The following AMPH variants were observed in gnomAD, a reference collection of about 807,000 sequenced individuals.
AMPH encodes amphiphysin (Stiff-Mann syndrome with breast cancer 128kD autoantigen).
Under a neutral mutation model 99.1 loss-of-function variants are expected in AMPH, and 49 were observed. That is an observed-to-expected ratio of 0.49 (90% CI 0.39 to 0.63). The LOEUF (loss-of-function observed/expected upper bound fraction) is 0.63, where lower values mean the gene tolerates loss of function less well. Ranked by LOEUF, AMPH falls within the 20% of genes least tolerant of loss-of-function variation. The probability of loss-of-function intolerance (pLI) is 0.00; values close to 1 mark genes in which losing one functional copy is unlikely to be tolerated. For synonymous variants in AMPH, 314 were observed against 317.3 expected (o/e 0.99, Z 0.11); for missense variants, 759 against 863.4 (o/e 0.88, Z 1.52).
intron 7 of AMPH, among the ~76,000 whole-genome samples, chr7:38,466,757 T>C (rs1787672667): frequency 2.0e-5 from 3 of 152,192 alleles, no homozygotes. Flanking sequence ...GTGTTTGGAC[T>C]CTGAAATTTG....
chr7:38,405,046 G>A (rs1304531215), intron 17 of AMPH, among the ~76,000 whole-genome samples: 1 of 151,924 alleles, frequency 6.6e-6, no homozygotes, highest in African/African-American at 2.4e-5. Flanking sequence ...AAAGATTCGG[G>A]GCCTATTTTT....
At chr7:38,496,177 A>G (rs1166341146) in intron 3 of AMPH, among the ~76,000 whole-genome samples, 2 of 152,218 alleles carry the variant, frequency 1.3e-5, no homozygotes, top group Non-Finnish European at 2.9e-5. Flanking sequence ...GATAAAAATC[A>G]TTTGTTAAAC....
intron 4 of AMPH, among the ~76,000 whole-genome samples, chr7:38,491,724 TTTG>T (rs1360261493): frequency 6.6e-6 from 1 of 152,240 alleles, no homozygotes; most frequent in Non-Finnish European, 1.5e-5. Context: ...GAGAAAAGAC[TTTG>T]TTATTTCCAC....
At chr7:38,492,021 C>T (rs931573606) in intron 4 of AMPH, among the ~76,000 whole-genome samples, 2 of 152,206 alleles carry the variant, frequency 1.3e-5, no homozygotes, top group African/African-American at 4.8e-5. Context: ...ATAGCAGGTA[C>T]TCAAGAATGT....
intron 17 of AMPH, among the ~76,000 whole-genome samples, chr7:38,409,994 A>C (rs1391821549): frequency 2.0e-5 from 3 of 152,218 alleles, no homozygotes; most frequent in African/African-American, 7.2e-5. Flanking sequence ...CTCAGAGATG[A>C]GGAGATAAGC....
At chr7:38,617,544 A>G (rs1028423762) in intron 1 of AMPH, among the ~76,000 whole-genome samples, 1 of 152,216 alleles carries the variant, frequency 6.6e-6, no homozygotes, top group Non-Finnish European at 1.5e-5. Context: ...GACCTAGAAA[A>G]TCTGAGTCTT....
At chr7:38,391,710 CA>C (rs772072210) in intron 19 of AMPH, 37 bp downstream of exon 19, 5 of 1,588,058 alleles carry the variant, frequency 3.1e-6, no homozygotes, top group African/African-American at 1.4e-5. Flanking sequence ...GGCCTTAAAG[CA>C]AAAAAAGGAT....
intron 5 of AMPH, among the ~76,000 whole-genome samples, chr7:38,487,955 A>G (rs1369836902): frequency 6.6e-6 from 1 of 152,240 alleles, no homozygotes; most frequent in Non-Finnish European, 1.5e-5. Flanking sequence ...AGAGAAATGC[A>G]AATCAAAACC....
intron 1 of AMPH, among the ~76,000 whole-genome samples, chr7:38,628,993 T>C (rs983863843): frequency 2.2e-4 from 33 of 152,340 alleles, no homozygotes; most frequent in African/African-American, 7.7e-4. Context: ...GTGGACTCTC[T>C]TTTAAGAAAA....
intron 5 of AMPH, among the ~76,000 whole-genome samples, chr7:38,478,243 T>C (rs1355433705): frequency 6.6e-6 from 1 of 151,992 alleles, no homozygotes; most frequent in Non-Finnish European, 1.5e-5. Flanking sequence ...TAAAATCTAA[T>C]AAGCAGCAGC....
intron 1 of AMPH, among the ~76,000 whole-genome samples, chr7:38,599,091 T>C (rs2129060760): frequency 6.6e-6 from 1 of 152,340 alleles, no homozygotes; most frequent in Admixed American, 6.5e-5. Context: ...TTAACATAAA[T>C]CTTTCTAATT....
intron 3 of AMPH, among the ~76,000 whole-genome samples, chr7:38,500,918 T>C (rs73358627): frequency 0.028 from 4,274 of 152,270 alleles, 177 homozygotes; most frequent in African/African-American, 0.098. Flanking sequence ...TAGAAACAGG[T>C]AATATGCCTA....
intron 5 of AMPH, among the ~76,000 whole-genome samples, chr7:38,484,134 CA>C (rs1376519613): frequency 6.6e-6 from 1 of 152,032 alleles, no homozygotes; most frequent in Non-Finnish European, 1.5e-5. Context: ...GACACCATTA[CA>C]TAAACCAATT....
intron 1 of AMPH, among the ~76,000 whole-genome samples, chr7:38,535,674 A>G (rs1186577757): frequency 1.3e-5 from 2 of 152,184 alleles, no homozygotes; most frequent in Non-Finnish European, 2.9e-5. Context: ...AAATGGTCCT[A>G]TCTGGGGCTG....
At chr7:38,471,860 G>A (rs533088836) in intron 7 of AMPH, among the ~76,000 whole-genome samples, 1 of 152,206 alleles carries the variant, frequency 6.6e-6, no homozygotes, top group African/African-American at 2.4e-5. Flanking sequence ...AGACAAAATA[G>A]TCAAAATTAT....
At chr7:38,590,112 G>A (rs11762019) in intron 1 of AMPH, among the ~76,000 whole-genome samples, 11,828 of 152,080 alleles carry the variant, frequency 0.078, 594 homozygotes, top group East Asian at 0.25. Context: ...CTGACCCGGG[G>A]TTCTTGGCCT....
chr7:38,457,175 C>T (rs1438647789), intron 11 of AMPH, among the ~76,000 whole-genome samples: 1 of 152,098 alleles, frequency 6.6e-6, no homozygotes, highest in African/African-American at 2.4e-5. Context: ...ACCAGATGCA[C>T]AGATATCAAC....
In AMPH at chr7:38,442,091, G is replaced by A. The variant is rs529621953; in HGVS notation, c.1018-5703C>T. On this transcript the variant is annotated intron_variant, in intron 11 of 20. Coordinates refer to ENST00000356264, the MANE Select transcript of AMPH (RefSeq NM_001635.4). Reference sequence around the variant, plus strand: ...ATAAAGGGAAACAACACACACTGGGGCCTATTGGAAGTGGAAGGTAGGAGA... The same window carrying A: ...ATAAAGGGAAACAACACACACTGGGACCTATTGGAAGTGGAAGGTAGGAGA... Among the ~76,000 whole-genome samples, 14 of 151,888 alleles carry A rather than the reference G, an allele frequency of 9.2e-5. No individual in the cohort carries two copies. In the East Asian group the frequency reaches 2.5e-3, roughly 27 times the overall value.
intron 13 of AMPH, among the ~76,000 whole-genome samples, chr7:38,430,269 C>T (rs1785957808): frequency 6.6e-6 from 1 of 152,176 alleles, no homozygotes; most frequent in Non-Finnish European, 1.5e-5. Context: ...AGAAAATATT[C>T]CCCAAACTCA....
Sources: gnomAD v4.1 joint callset for allele counts (sites outside exome capture counted in the v4.1 genomes callset) on GRCh38, gnomAD v4.1.1 for gene constraint, MANE v1.5 for transcripts, NCBI Gene and HGNC (gene_info 2026-07-23, HGNC 2026-07-21) for gene names.